The following SLC35D2 variants were observed in gnomAD, a reference collection of about 807,000 sequenced individuals.
SLC35D2 encodes the protein solute carrier family 35 member D2.
In SLC35D2, 43 loss-of-function variants were observed where a neutral mutation model predicts 41.8. That is an observed-to-expected ratio of 1.03 (90% CI 0.81 to 1.33). The LOEUF (loss-of-function observed/expected upper bound fraction) is 1.33, where lower values mean the gene tolerates loss of function less well. Among genes scored for constraint, SLC35D2 ranks in the 40% most tolerant of loss-of-function variants. SLC35D2 has a pLI of 0.00. For synonymous variants in SLC35D2, 150 were observed against 163.9 expected (o/e 0.92, Z 0.65); for missense variants, 380 against 408.4 (o/e 0.93, Z 0.60).
intron 6 of SLC35D2, among the ~76,000 whole-genome samples, chr9:96,347,671 C>T (rs764424160): frequency 2.0e-4 from 31 of 152,034 alleles, no homozygotes; most frequent in Non-Finnish European, 2.8e-4. Context: ...CGTGTGAACC[C>T]GAGCAACTCC....
At chr9:96,356,329 T>G (rs1161857631) in intron 4 of SLC35D2, among the ~76,000 whole-genome samples, 1 of 149,734 alleles carries the variant, frequency 6.7e-6, no homozygotes, top group African/African-American at 2.4e-5. Flanking sequence ...ACTAACAAAC[T>G]AAGTCACAGA....
chr9:96,358,203 A>T (rs928067330), intron 4 of SLC35D2, among the ~76,000 whole-genome samples: 5 of 151,028 alleles, frequency 3.3e-5, no homozygotes, highest in Admixed American at 1.3e-4. Context: ...TAAGAGAATA[A>T]GCCAGACAAA....
intron 9 of SLC35D2, among the ~76,000 whole-genome samples, chr9:96,330,904 T>TTTTATTTATTTATTTA (rs572037042): frequency 6.8e-6 from 1 of 146,842 alleles, no homozygotes; most frequent in African/African-American, 2.4e-5. Flanking sequence ...TTCACCCTGA[T>TTTTATTTATTTATTTA]TTTATTTATT....
intron 7 of SLC35D2, among the ~76,000 whole-genome samples, chr9:96,344,566 TAA>T (rs567587419): frequency 5.6e-4 from 32 of 57,322 alleles, no homozygotes; most frequent in African/African-American, 1.8e-3. Context: ...ACAGAGCAGA[TAA>T]AAAAAAAAAA....
chr9:96,345,136 C>T (rs968717836), intron 7 of SLC35D2, among the ~76,000 whole-genome samples, 163 bp downstream of exon 7: 4 of 151,954 alleles, frequency 2.6e-5, no homozygotes, highest in Non-Finnish European at 5.9e-5. Context: ...CCCAAAATTT[C>T]GCAAATAATA....
chr9:96,337,739 TG>T (rs1388377210), intron 8 of SLC35D2, among the ~76,000 whole-genome samples: 1 of 151,338 alleles, frequency 6.6e-6, no homozygotes, highest in Non-Finnish European at 1.5e-5. Context: ...CCCAGCACTT[TG>T]GGAGGCCGAG....
Position 96,368,753 on chromosome 9 carries a change from CAT to C in SLC35D2, c.159-450_159-449del, listed in dbSNP as rs200797881. Reference sequence around the variant, plus strand: ...TACTCCCTCTCTCTCTCTCTCTCTACATATATATATATACACACACACACACA... The same window carrying C: ...TACTCCCTCTCTCTCTCTCTCTCTACATATATATATACACACACACACACA... On this transcript the variant is annotated intron_variant, in intron 1 of 11. Transcript: ENST00000253270. Among the ~76,000 whole-genome samples the C allele has an allele frequency of 7.6e-4, 112 of 147,500 alleles. No homozygotes were observed. In the East Asian group the frequency reaches 0.018, roughly 24 times the overall value.
intron 6 of SLC35D2, among the ~76,000 whole-genome samples, chr9:96,347,400 C>G (rs192551013): frequency 2.6e-5 from 4 of 152,212 alleles, no homozygotes; most frequent in African/African-American, 9.6e-5. Context: ...CCAGTGGTGA[C>G]AGCACAGACA....
intron 6 of SLC35D2, among the ~76,000 whole-genome samples, chr9:96,349,650 T>G (rs761965806): frequency 1.2e-4 from 18 of 152,212 alleles, no homozygotes; most frequent in Admixed American, 9.8e-4. Flanking sequence ...CTCAGCCTCC[T>G]GAGTAGCTGG....
downstream of SLC35D2, among the ~76,000 whole-genome samples, chr9:96,317,092 C>T (rs4629994): frequency 0.53 from 80,514 of 150,814 alleles, 21,676 homozygotes; most frequent in African/African-American, 0.6. Flanking sequence ...GAGCCGAGAT[C>T]GCGCCACTGC....
At chr9:96,367,527 T>A (rs1830521363) in intron 2 of SLC35D2, among the ~76,000 whole-genome samples, 1 of 152,190 alleles carries the variant, frequency 6.6e-6, no homozygotes, top group South Asian at 2.1e-4. Flanking sequence ...GTACTTGTAA[T>A]CCCAGCACTT....
chr9:96,360,953 G>C (rs970729710), intron 3 of SLC35D2, among the ~76,000 whole-genome samples: 4 of 152,044 alleles, frequency 2.6e-5, no homozygotes, highest in Middle Eastern at 3.2e-3. Context: ...ATGGTGGCCA[G>C]GCTGGTCTCG....
At chr9:96,318,244 G>T (rs188165177), downstream of SLC35D2, among the ~76,000 whole-genome samples, 7 of 152,210 alleles carry the variant, frequency 4.6e-5, no homozygotes, top group East Asian at 1.4e-3. Flanking sequence ...AGAATCACTT[G>T]AACTTGGGAG....
intron 9 of SLC35D2, among the ~76,000 whole-genome samples, chr9:96,333,392 C>T (rs1386383309): frequency 3.3e-5 from 5 of 150,572 alleles, no homozygotes; most frequent in Admixed American, 2.0e-4. Flanking sequence ...GTCAGGAGAT[C>T]GAGACCATCC....
At chr9:96,324,808 G>C (rs142980456) in intron 9 of SLC35D2, among the ~76,000 whole-genome samples, 3,998 of 151,846 alleles carry the variant, frequency 0.026, 79 homozygotes, top group Middle Eastern at 0.055. Context: ...ACCCGCCTTG[G>C]CCTCCCAAAG....
At chr9:96,328,286 G>C (rs59454611) in intron 9 of SLC35D2, among the ~76,000 whole-genome samples, 20,273 of 152,036 alleles carry the variant, frequency 0.13, 1,803 homozygotes, top group East Asian at 0.29. Context: ...GCTCAGGCTG[G>C]AGTACAGTGG....
downstream of SLC35D2, among the ~76,000 whole-genome samples, chr9:96,320,169 T>C (rs1404498596): frequency 1.3e-5 from 2 of 152,150 alleles, no homozygotes; most frequent in Non-Finnish European, 2.9e-5. Context: ...TAAAAGCTCC[T>C]GAACAAACCT....
intron 9 of SLC35D2, among the ~76,000 whole-genome samples, chr9:96,336,062 A>AG (rs1421719632): frequency 6.3e-4 from 95 of 151,968 alleles, no homozygotes; most frequent in Admixed American, 9.8e-4. Context: ...AAAAAAAAAA[A>AG]AAAGAAAGAA....
downstream of SLC35D2, among the ~76,000 whole-genome samples, chr9:96,319,184 G>A (rs1398049174): frequency 1.3e-5 from 2 of 152,194 alleles, no homozygotes; most frequent in African/African-American, 4.8e-5. Context: ...CAGACGTAAG[G>A]AAGGATGCTC....
Sources: allele counts gnomAD v4.1 joint callset (sites outside exome capture counted in the v4.1 genomes callset), GRCh38; gene constraint gnomAD v4.1.1; transcripts MANE v1.5; gene names NCBI Gene and HGNC (gene_info 2026-07-23, HGNC 2026-07-21).